Variants in ANXA8 observed in about 807,000 individuals in gnomAD.
ANXA8 encodes VAC-beta.
Under a neutral mutation model 26.8 loss-of-function variants are expected in ANXA8, and 9 were observed. The ratio of observed to expected loss-of-function variants is 0.34; its 90% CI spans 0.20 to 0.59. The LOEUF is 0.59. ANXA8 is among the 20% of genes least tolerant of loss of function. ANXA8 has a pLI of 0.84. For missense variants in ANXA8, 83 were observed against 238.5 expected (o/e 0.35, Z 4.29); for synonymous variants, 39 against 94.8 (o/e 0.41, Z 3.42).
chr10:47,554,734 A>G, the ANXA8 span, among the ~76,000 whole-genome samples: 154 of 150,134 alleles, frequency 1.0e-3, 5 homozygotes, highest in Non-Finnish European at 2.4e-4. Flanking sequence ...TGACCTTGTT[A>G]TCACCCCCAG....
At chr10:47,627,442 T>G in the ANXA8 span, among the ~76,000 whole-genome samples, 1 of 150,222 alleles carries the variant, frequency 6.7e-6, no homozygotes, top group African/African-American at 2.5e-5. Context: ...ATGTAAATTT[T>G]GTTTCTCTTT....
the ANXA8 span, among the ~76,000 whole-genome samples, chr10:47,702,658 G>A: frequency 2.8e-4 from 42 of 151,656 alleles, no homozygotes; most frequent in Non-Finnish European, 5.3e-4. Context: ...TTTTGAGACA[G>A]GGTCTGGCTC....
chr10:47,937,847 G>A, the ANXA8 span, among the ~76,000 whole-genome samples: 1 of 146,020 alleles, frequency 6.8e-6, no homozygotes, highest in African/African-American at 2.5e-5. Flanking sequence ...TCCTGTAAAG[G>A]ACATGATCTC....
the ANXA8 span, among the ~76,000 whole-genome samples, chr10:47,580,404 G>A: frequency 6.6e-6 from 1 of 151,928 alleles, no homozygotes; most frequent in South Asian, 2.1e-4. Flanking sequence ...TCATATGTTA[G>A]GTCACAAAAC....
the ANXA8 span, among the ~76,000 whole-genome samples, chr10:47,675,994 G>A: frequency 2.0e-5 from 3 of 150,480 alleles, no homozygotes; most frequent in Admixed American, 6.6e-5. Context: ...AAAAAGGAAA[G>A]AAAAGAAAAG....
At chr10:47,951,267 A>T in the ANXA8 span, among the ~76,000 whole-genome samples, 2 of 150,882 alleles carry the variant, frequency 1.3e-5, no homozygotes, top group Non-Finnish European at 2.9e-5. Flanking sequence ...GAATAGCTTT[A>T]TAACCGTTAA....
the ANXA8 span, among the ~76,000 whole-genome samples, chr10:47,700,313 C>T: frequency 2.6e-5 from 4 of 151,902 alleles, no homozygotes; most frequent in African/African-American, 7.2e-5. Flanking sequence ...ACAAGTAGAC[C>T]AGTGGAATAG....
At chr10:47,469,966 A>C (rs1346221259) in intron 11 of ANXA8, among the ~76,000 whole-genome samples, 1 of 151,258 alleles carries the variant, frequency 6.6e-6, no homozygotes, top group African/African-American at 2.5e-5. Context: ...GCAGCCTTGG[A>C]CTCCTGGGCT....
rs1450074142 is a variant in ANXA8, at chr10:47,476,259, G to A, written c.385C>T (p.Arg129Trp). Residue 129 changes from arginine to tryptophan, a missense_variant, in exon 5 of 12, where the codon CGG (arginine) becomes TGG (tryptophan). Coordinates refer to ENST00000585281, the MANE Select transcript of ANXA8 (RefSeq NM_001040084.3). ...ILASRTKNQL[R>W]EIMKAYEEDY... ...TCCTCATACGCCTTCATTATCTCCC[G>A]CAGCTGGTTCTTGGTCCGAGAGGCC... 4 of 534,614 alleles carry A rather than the reference G, an allele frequency of 7.5e-6. No individual in the cohort carries two copies. The highest frequency in any genetic ancestry group is 4.9e-5 in the African/African-American group (1 of 20,402). 33.1% of individuals were successfully genotyped at this position (534,614 alleles called of 1,614,324 possible). A position where few individuals can be genotyped will look rare whatever the true frequency, so the allele number is the denominator to read the frequency against.
At chr10:47,525,758 G>T in the ANXA8 span, among the ~76,000 whole-genome samples, 246 of 129,052 alleles carry the variant, frequency 1.9e-3, 5 homozygotes, top group African/African-American at 6.6e-3. Context: ...ATTGATAAAT[G>T]ATTCTGGCTA....
upstream of ANXA8, among the ~76,000 whole-genome samples, chr10:47,488,653 A>G (rs1228542218): frequency 2.7e-5 from 4 of 145,918 alleles, no homozygotes; most frequent in Admixed American, 1.4e-4. Flanking sequence ...CTTTGTACAT[A>G]GTACTACTCA....
At chr10:47,970,782 T>TA in the ANXA8 span, among the ~76,000 whole-genome samples, 1 of 151,380 alleles carries the variant, frequency 6.6e-6, no homozygotes, top group East Asian at 1.9e-4. Context: ...GGCCTTATAT[T>TA]CTGGGACCGT....
At chr10:47,763,817 G>T in the ANXA8 span, among the ~76,000 whole-genome samples, 2 of 143,690 alleles carry the variant, frequency 1.4e-5, no homozygotes, top group African/African-American at 2.6e-5. Context: ...GGTTGTGGGG[G>T]AGTGCGTGTT....
At chr10:47,649,024 A>C in the ANXA8 span, among the ~76,000 whole-genome samples, 1 of 112,820 alleles carries the variant, frequency 8.9e-6, no homozygotes, top group African/African-American at 4.0e-5. Context: ...GTCCAGTTTT[A>C]TTATGTCCTG....
chr10:47,736,504 G>A, the ANXA8 span, among the ~76,000 whole-genome samples: 2 of 115,586 alleles, frequency 1.7e-5, no homozygotes, highest in African/African-American at 6.7e-5. Context: ...CTTTTAAAAT[G>A]TTCTCAGAAA....
chr10:47,510,128 C>T, the ANXA8 span: 28 of 1,199,638 alleles, frequency 2.3e-5, no homozygotes, highest in Non-Finnish European at 2.7e-5. Flanking sequence ...GAAATAATTT[C>T]CGAATAAAGG....
chr10:47,978,967 G>A, the ANXA8 span, among the ~76,000 whole-genome samples: 3 of 150,566 alleles, frequency 2.0e-5, no homozygotes, highest in African/African-American at 7.3e-5. Context: ...GAAAGTAATA[G>A]GATGGAAAAA....
the ANXA8 span, among the ~76,000 whole-genome samples, chr10:47,937,099 G>C: frequency 6.7e-6 from 1 of 149,802 alleles, no homozygotes; most frequent in Non-Finnish European, 1.5e-5. Flanking sequence ...CCTCCTTCTA[G>C]TCCTCCTCTC....
At chr10:47,957,555 T>C in the ANXA8 span, among the ~76,000 whole-genome samples, 2 of 149,970 alleles carry the variant, frequency 1.3e-5, no homozygotes, top group Admixed American at 6.6e-5. Context: ...CCAGGCACTT[T>C]TGACAGTGAA....
Sources: gnomAD v4.1 joint callset for allele counts (sites outside exome capture counted in the v4.1 genomes callset) on GRCh38, gnomAD v4.1.1 for gene constraint, MANE v1.5 for transcripts, NCBI Gene and HGNC (gene_info 2026-07-23, HGNC 2026-07-21) for gene names.